FHIT: variants seen among roughly 807,000 people sequenced by gnomAD.
The protein encoded by FHIT is fragile histidine triad diadenosine triphosphatase.
A neutral mutation model predicts 17.9 loss-of-function variants in FHIT; 19 were observed. The observed-to-expected ratio is 1.06, with a 90% CI of 0.74 to 1.56. FHIT has a LOEUF of 1.56. FHIT is among the 40% of genes most tolerant of loss of function. FHIT has a pLI of 0.00. For missense variants in FHIT, 248 were observed against 189.2 expected (o/e 1.31, Z -1.82); for synonymous variants, 81 against 69.7 (o/e 1.16, Z -0.81).
At chr3:60,789,904 A>G (rs1700718352) in intron 4 of FHIT, among the ~76,000 whole-genome samples, 1 of 152,240 alleles carries the variant, frequency 6.6e-6, no homozygotes, top group South Asian at 2.1e-4. Context: ...GTTGTACCAC[A>G]GGTGGATGTG....
intron 5 of FHIT, among the ~76,000 whole-genome samples, chr3:60,094,182 A>C (rs1576084326): frequency 6.6e-6 from 1 of 152,196 alleles, no homozygotes; most frequent in South Asian, 2.1e-4. Context: ...CAAGTTCTCA[A>C]TCATTCATTT....
intron 5 of FHIT, among the ~76,000 whole-genome samples, chr3:60,307,684 T>G (rs1444331314): frequency 6.6e-6 from 1 of 152,252 alleles, no homozygotes; most frequent in East Asian, 1.9e-4. Context: ...AAGAGGTATT[T>G]TCTCAAATAC....
At chr3:59,896,609 G>T (rs1481768884) in intron 8 of FHIT, among the ~76,000 whole-genome samples, 1 of 152,094 alleles carries the variant, frequency 6.6e-6, no homozygotes, top group Non-Finnish European at 1.5e-5. Context: ...CAAGCAAAGA[G>T]ACAATGAAAT....
intron 2 of FHIT, among the ~76,000 whole-genome samples, chr3:61,054,619 A>G (rs910670303): frequency 2.0e-5 from 3 of 152,182 alleles, no homozygotes; most frequent in Admixed American, 6.5e-5. Flanking sequence ...TAACTATTCT[A>G]CTAGAGAGGT....
At chr3:60,086,527 T>C (rs1041478223) in intron 5 of FHIT, among the ~76,000 whole-genome samples, 2 of 152,176 alleles carry the variant, frequency 1.3e-5, no homozygotes, top group Non-Finnish European at 2.9e-5. Flanking sequence ...TATGAGCCTA[T>C]AGGATCAAAA....
chr3:60,196,778 T>A (rs141911169), intron 5 of FHIT, among the ~76,000 whole-genome samples: 1 of 152,106 alleles, frequency 6.6e-6, no homozygotes, highest in African/African-American at 2.4e-5. Flanking sequence ...ATAGATGATA[T>A]CATACATATA....
intron 2 of FHIT, among the ~76,000 whole-genome samples, chr3:61,120,358 C>A (rs567850460): frequency 6.6e-6 from 1 of 152,190 alleles, no homozygotes; most frequent in Non-Finnish European, 1.5e-5. Context: ...TTCCAGAAAT[C>A]TTTTTATATT....
rs575525410 is a variant in FHIT at position 60,554,053 on chromosome 3, C to T, written c.-17-17074G>A. ...AGTGAGCCAAGATTGTGCTGCGCCA[C>T]TGCACTCCAGCCTGGGTAACAAAGC... On this transcript the variant is annotated intron_variant, in intron 4 of 9. Transcript: ENST00000492590. 2.0e-5 allele frequency among the ~76,000 whole-genome samples: 3 copies of T among 152,160 alleles called. No homozygotes were observed. In the East Asian group the frequency reaches 5.8e-4, roughly 30 times the overall value.
intron 5 of FHIT, among the ~76,000 whole-genome samples, chr3:60,183,691 C>T (rs907631667): frequency 1.3e-5 from 2 of 152,178 alleles, no homozygotes; most frequent in African/African-American, 4.8e-5. Context: ...CCGACACCCT[C>T]TTGCCTCCCC....
chr3:60,315,096 G>A lies in FHIT; in HGVS notation c.103+221764C>T, dbSNP rs148815521. Among the ~76,000 whole-genome samples the A allele has an allele frequency of 3.2e-3, 493 of 152,190 alleles. 2 individuals carry two copies. Among genetic ancestry groups the A allele is most frequent in the African/African-American group, 0.01 (416 of 41,538 alleles). ...GAGGAAGCCCAAGACAGCATGTGGC[G>A]AGAGAAAGGGAAAGATGCCCACCCA... On this transcript the variant is annotated intron_variant, in intron 5 of 9. Transcript: ENST00000492590.
At chr3:60,307,343 C>A (rs920818894) in intron 5 of FHIT, among the ~76,000 whole-genome samples, 4 of 152,118 alleles carry the variant, frequency 2.6e-5, no homozygotes, top group African/African-American at 9.7e-5. Flanking sequence ...TTCCAATAGA[C>A]AAGATTCAAA....
Position 61,239,762 on chromosome 3 carries a change from CATATATATATAT to C in FHIT, c.-213+11527_-213+11538del, listed in dbSNP as rs72107416. ...AAAACTGCAAAGAAAAACAACTGGC[CATATATATATAT>C]ATATATATATACACAAATTCTAAAC... On this transcript the variant is annotated intron_variant, in intron 1 of 9. Coordinates refer to ENST00000492590, the MANE Select transcript of FHIT (RefSeq NM_002012.4). Among the ~76,000 whole-genome samples, 12 of 108,284 alleles carry C rather than the reference CATATATATATAT, an allele frequency of 1.1e-4. 1 individual carries two copies. The highest frequency in any genetic ancestry group is 6.0e-4 in the South Asian group (2 of 3,340). The allele number at this position is 108,284 out of a possible 152,430, so 71.0% of individuals were successfully genotyped here.
chr3:60,603,449 T>C (rs1261953693), intron 4 of FHIT, among the ~76,000 whole-genome samples: 1 of 152,126 alleles, frequency 6.6e-6, no homozygotes, highest in Non-Finnish European at 1.5e-5. Context: ...TTCCTATCTG[T>C]ACATGTGTAT....
chr3:60,010,972 G>A (rs1358597185), intron 7 of FHIT, among the ~76,000 whole-genome samples: 1 of 152,130 alleles, frequency 6.6e-6, no homozygotes, highest in Non-Finnish European at 1.5e-5. Flanking sequence ...AAACAATGAA[G>A]CAAAAGCAGA....
chr3:60,802,614 T>C (rs1701232559), intron 4 of FHIT, among the ~76,000 whole-genome samples: 1 of 152,230 alleles, frequency 6.6e-6, no homozygotes, highest in African/African-American at 2.4e-5. Context: ...TTTTTTTGTT[T>C]TTTGTTTTTT....
chr3:61,217,700 C>G (rs1007533341), intron 1 of FHIT, among the ~76,000 whole-genome samples: 1 of 152,092 alleles, frequency 6.6e-6, no homozygotes, highest in African/African-American at 2.4e-5. Context: ...GATGTGATCA[C>G]CTTTGGAAAA....
At chr3:60,916,486 C>T (rs1247126415) in intron 3 of FHIT, among the ~76,000 whole-genome samples, 1 of 152,116 alleles carries the variant, frequency 6.6e-6, no homozygotes, top group Non-Finnish European at 1.5e-5. Context: ...AAAAATCACC[C>T]ATTTTTGCTT....
intron 4 of FHIT, among the ~76,000 whole-genome samples, chr3:60,628,194 T>C (rs2039344840): frequency 2.0e-5 from 3 of 152,226 alleles, no homozygotes; most frequent in African/African-American, 7.2e-5. Context: ...CATTGTGATT[T>C]TTTAAATTGA....
intron 5 of FHIT, among the ~76,000 whole-genome samples, chr3:60,378,021 T>C (rs1027206132): frequency 8.6e-5 from 13 of 151,970 alleles, no homozygotes; most frequent in African/African-American, 3.1e-4. Flanking sequence ...ACTATTATTT[T>C]GTTTGTTTGT....
Sources: allele counts gnomAD v4.1 joint callset (sites outside exome capture counted in the v4.1 genomes callset), GRCh38; gene constraint gnomAD v4.1.1; transcripts MANE v1.5; gene names NCBI Gene and HGNC (gene_info 2026-07-23, HGNC 2026-07-21).